The following DMD variants were observed in gnomAD, a reference collection of about 807,000 sequenced individuals.
The protein encoded by DMD is dystrophin.
In DMD, 63 loss-of-function variants were observed where a neutral mutation model predicts 330.1. The ratio of observed to expected loss-of-function variants is 0.19; its 90% CI spans 0.16 to 0.24. DMD has a LOEUF of 0.24. DMD is among the 10% of genes least tolerant of loss of function. DMD has a pLI of 1.00. For missense variants in DMD, 3,344 were observed against 2,684.1 expected (o/e 1.25, Z -5.43); for synonymous variants, 1,223 against 959.8 (o/e 1.27, Z -5.07).
chrX:32,876,769 A>T (rs1395370814), intron 2 of DMD, among the ~76,000 whole-genome samples: 2 of 111,712 alleles, frequency 1.8e-5, no homozygotes, highest in Non-Finnish European at 3.8e-5. Context: ...GAGCTGTTGA[A>T]CAGTTTCAGT....
In DMD at chrX:32,626,956, G is replaced by C. The variant is rs566260052; in HGVS notation, c.1332-12503C>G. On this transcript the variant is annotated intron_variant, in intron 11 of 78. Coordinates refer to ENST00000357033, the MANE Select transcript of DMD (RefSeq NM_004006.3). ...AATTAGTGGAATTTATATAAATAAT[G>C]CCTTAATATAAAAAGGTACTAATTG... is the stretch of plus-strand genomic sequence containing the variant. Among the ~76,000 whole-genome samples the C allele has an allele frequency of 2.2e-4, 23 of 105,234 alleles. No individual in the cohort carries two copies. The South Asian group carries it at 8.7e-3, about 40-fold the overall frequency. 91.4% of individuals were successfully genotyped at this position (105,234 alleles called of 115,157 possible).
At chrX:31,155,816 T>C (rs949187502) in intron 74 of DMD, among the ~76,000 whole-genome samples, 3 of 110,059 alleles carry the variant, frequency 2.7e-5, no homozygotes, top group Non-Finnish European at 3.8e-5. Flanking sequence ...ACCCCCACCA[T>C]CTTTACAAAA....
At chrX:31,347,472 C>A (rs1481929448) in intron 61 of DMD, among the ~76,000 whole-genome samples, 2 of 111,634 alleles carry the variant, frequency 1.8e-5, no homozygotes, top group African/African-American at 3.3e-5. Flanking sequence ...TTAGCTCCCA[C>A]AAGAGTAAGA....
At chrX:32,150,705 T>G (rs2147159110) in intron 44 of DMD, among the ~76,000 whole-genome samples, 1 of 111,922 alleles carries the variant, frequency 8.9e-6, no homozygotes, top group African/African-American at 3.2e-5. Context: ...AGGAAATTTC[T>G]GATATTTCTT....
At chrX:32,524,834 AC>A (rs1299465431) in intron 17 of DMD, among the ~76,000 whole-genome samples, 2 of 112,641 alleles carry the variant, frequency 1.8e-5, no homozygotes, top group African/African-American at 6.5e-5. Flanking sequence ...TCCCTTTTAT[AC>A]AAAGATCGTA....
chrX:31,411,997 C>A (rs1403119378), intron 60 of DMD, among the ~76,000 whole-genome samples: 1 of 108,399 alleles, frequency 9.2e-6, no homozygotes, highest in Non-Finnish European at 1.9e-5. Flanking sequence ...ACCAGCCTGG[C>A]CAACACGGTG....
At chrX:31,159,761 G>C (rs1219009917) in intron 74 of DMD, among the ~76,000 whole-genome samples, 1 of 111,933 alleles carries the variant, frequency 8.9e-6, no homozygotes, top group Non-Finnish European at 1.9e-5. Context: ...ATGGGCTCTA[G>C]AAGCTGAAAC....
intron 41 of DMD, 25 bp downstream of exon 41, chrX:32,342,075 C>T (rs1407881333): frequency 1.2e-5 from 14 of 1,191,238 alleles, no homozygotes; most frequent in Admixed American, 2.2e-5. Context: ...CAAACACATA[C>T]GTGGGTTTGC....
chrX:32,289,014 T>C (rs2097455331), intron 42 of DMD, among the ~76,000 whole-genome samples: 1 of 111,785 alleles, frequency 8.9e-6, no homozygotes, highest in Admixed American at 9.5e-5. Context: ...CCACATCACT[T>C]TGGTTCCAAC....
chrX:32,789,919 G>C (rs1468510209), intron 7 of DMD, among the ~76,000 whole-genome samples: 2 of 112,069 alleles, frequency 1.8e-5, no homozygotes, highest in African/African-American at 6.5e-5. Flanking sequence ...CATCTCACAA[G>C]AATGATATTA....
chrX:31,580,474 G>A (rs180702433), intron 55 of DMD, among the ~76,000 whole-genome samples: 1 of 111,563 alleles, frequency 9.0e-6, no homozygotes. Context: ...TCCCAAGGGA[G>A]CCCAGTCAGA....
chrX:31,153,283 C>A (rs1461425454), intron 74 of DMD, among the ~76,000 whole-genome samples: 2 of 112,197 alleles, frequency 1.8e-5, no homozygotes, highest in South Asian at 3.7e-4. Context: ...TAGACCCTTG[C>A]AGCAAACTGT....
intron 18 of DMD, among the ~76,000 whole-genome samples, chrX:32,504,927 C>T (rs1039571591): frequency 1.2e-4 from 13 of 111,526 alleles, no homozygotes; most frequent in African/African-American, 4.2e-4. Flanking sequence ...AATAAACATA[C>T]CAAAAATAAA....
chrX:31,985,267 C>T (rs916555358), intron 44 of DMD, among the ~76,000 whole-genome samples: 2 of 111,940 alleles, frequency 1.8e-5, no homozygotes, highest in Non-Finnish European at 3.8e-5. Flanking sequence ...AGAAACAAAA[C>T]GTCTGCATGA....
chrX:33,314,760 A>T (rs1226615980), intron 1 of DMD, among the ~76,000 whole-genome samples: 2 of 107,942 alleles, frequency 1.9e-5, no homozygotes, highest in African/African-American at 3.4e-5. Context: ...AGTCTACATC[A>T]CATTACTCTG....
chrX:31,842,120 GGAA>G (rs1348677409), intron 48 of DMD, among the ~76,000 whole-genome samples: 2 of 111,695 alleles, frequency 1.8e-5, no homozygotes, highest in Non-Finnish European at 3.8e-5. Context: ...CAAGGTGTTT[GGAA>G]GAAGTTTATT....
chrX:31,386,712 G>T (rs761998777), intron 60 of DMD, among the ~76,000 whole-genome samples: 1 of 112,220 alleles, frequency 8.9e-6, no homozygotes, highest in East Asian at 2.8e-4. Context: ...AACACATGAA[G>T]TAAAAACATG....
chrX:31,733,807 GA>G (rs760839342), intron 51 of DMD, among the ~76,000 whole-genome samples: 46 of 111,151 alleles, frequency 4.1e-4, no homozygotes, highest in African/African-American at 1.5e-3. Context: ...TGGCCAAATC[GA>G]AAACCATCCT....
chrX:32,630,611 C>T (rs772250105), intron 11 of DMD, among the ~76,000 whole-genome samples: 4 of 111,366 alleles, frequency 3.6e-5, no homozygotes, highest in Non-Finnish European at 7.5e-5. Flanking sequence ...TTCTGTTACT[C>T]GTCTCTGACG....
Sources: allele counts gnomAD v4.1 joint callset (sites outside exome capture counted in the v4.1 genomes callset), GRCh38; gene constraint gnomAD v4.1.1; transcripts MANE v1.5; gene names NCBI Gene and HGNC (gene_info 2026-07-23, HGNC 2026-07-21).